KIF16B: variants seen among roughly 807,000 people sequenced by gnomAD.
The protein encoded by KIF16B is kinesin-like protein KIF16B.
A neutral mutation model predicts 156.3 loss-of-function variants in KIF16B; 98 were observed. That is an observed-to-expected ratio of 0.63 (90% CI 0.53 to 0.74). The LOEUF is 0.74. Among genes scored for constraint, KIF16B ranks in the 30% least tolerant of loss-of-function variants. The probability of loss-of-function intolerance (pLI) is 0.00; values close to 1 mark genes in which losing one functional copy is unlikely to be tolerated. For synonymous variants in KIF16B, 564 were observed against 583.7 expected, an observed-to-expected ratio of 0.97 and a Z score of 0.49; for missense variants, 1,421 against 1,606.5, an observed-to-expected ratio of 0.88 and a Z score of 1.97.
At position 16,435,447 on chromosome 20, in the gene KIF16B, GT is replaced by G. The variant is rs556613236; in HGVS notation, c.1303-5466del. 1.5e-4 allele frequency among the ~76,000 whole-genome samples: 23 copies of G among 152,322 alleles called. No homozygotes were observed. In the South Asian group the frequency reaches 4.1e-3, roughly 27 times the overall value. On this transcript the variant is annotated intron_variant, in intron 12 of 25. Coordinates refer to ENST00000354981, the MANE Select transcript of KIF16B (RefSeq NM_024704.5). ...GGTTTTATGTCTGGATGTTTAAAGA[GT>G]TTCTTCTTTATCTTGAAATTCAATG...
chr20:16,565,546 C>A (rs573405308), intron 1 of KIF16B, among the ~76,000 whole-genome samples: 4 of 152,184 alleles, frequency 2.6e-5, no homozygotes, highest in Admixed American at 2.0e-4. Context: ...CCCAGTCACT[C>A]GGCTAGCCCA....
Position 16,427,122 on chromosome 20 carries a change from C to T in KIF16B, c.1594G>A (p.Ala532Thr), listed in dbSNP as rs555663637. Residue 532 changes from alanine to threonine, a missense_variant, in exon 15 of 26, where the codon GCC becomes ACC. Coordinates refer to ENST00000354981, the MANE Select transcript of KIF16B (RefSeq NM_024704.5). ...CSVNGVQIVEATHLNQGAVIL... is the reference protein window; with the variant it reads ...CSVNGVQIVETTHLNQGAVIL... Reference sequence around the variant, plus strand: ...CAGATACCTTGATTTAGATGTGTGGCCTCCACGATCTGAACACCATTCACA... The same window carrying T: ...CAGATACCTTGATTTAGATGTGTGGTCTCCACGATCTGAACACCATTCACA... 10 of 1,607,100 alleles carry T rather than the reference C, an allele frequency of 6.2e-6. No individual in the cohort carries two copies. The highest frequency in any genetic ancestry group is 4.5e-5 in the East Asian group (2 of 44,692).
chr20:16,560,572 C>G (rs1274707803), intron 1 of KIF16B, among the ~76,000 whole-genome samples: 2 of 152,140 alleles, frequency 1.3e-5, no homozygotes, highest in African/African-American at 4.8e-5. Flanking sequence ...TTTGGGAGGC[C>G]AAGGCAGGCG....
At chr20:16,406,170 T>C (rs1309676445) in intron 16 of KIF16B, among the ~76,000 whole-genome samples, 1 of 152,132 alleles carries the variant, frequency 6.6e-6, no homozygotes, top group Non-Finnish European at 1.5e-5. Context: ...CCCTGTCTGC[T>C]CTAGAATTTA....
chr20:16,337,843 C>T (rs943714528), intron 23 of KIF16B, among the ~76,000 whole-genome samples: 5 of 152,200 alleles, frequency 3.3e-5, no homozygotes, highest in African/African-American at 1.2e-4. Flanking sequence ...ACAAGTGGGC[C>T]CTGCTGCCTT....
chr20:16,419,047 C>T (rs2066161929), intron 15 of KIF16B, among the ~76,000 whole-genome samples: 1 of 152,050 alleles, frequency 6.6e-6, no homozygotes, highest in Admixed American at 6.6e-5. Context: ...GGCCTGATCC[C>T]TAGATTTGCT....
At chr20:16,533,354 A>G (rs2069828453) in intron 1 of KIF16B, among the ~76,000 whole-genome samples, 1 of 152,196 alleles carries the variant, frequency 6.6e-6, no homozygotes, top group Non-Finnish European at 1.5e-5. Context: ...GAAGGTTCTC[A>G]GTCCCCACCT....
At chr20:16,514,885 C>CAAAAAAAAAAAAAAAAAAAAAAA (rs10564862) in intron 4 of KIF16B, among the ~76,000 whole-genome samples, 1 of 60,780 alleles carries the variant, frequency 1.6e-5, no homozygotes, top group Admixed American at 2.1e-4. Context: ...GATTCCATCT[C>CAAAAAAAAAAAAAAAAAAAAAAA]AAAAAAAAAA....
At chr20:16,486,591 G>A (rs751642270) in intron 12 of KIF16B, among the ~76,000 whole-genome samples, 15 of 152,028 alleles carry the variant, frequency 9.9e-5, no homozygotes, top group African/African-American at 1.4e-4. Flanking sequence ...TGAACTATAC[G>A]GACTCGATTT....
chr20:16,388,616 G>A (rs2065282193), intron 17 of KIF16B, among the ~76,000 whole-genome samples: 1 of 151,808 alleles, frequency 6.6e-6, no homozygotes, highest in African/African-American at 2.4e-5. Flanking sequence ...AAAAAGCATA[G>A]CATACAACCT....
chr20:16,308,926 C>A (rs913587578), intron 25 of KIF16B, among the ~76,000 whole-genome samples: 4 of 152,182 alleles, frequency 2.6e-5, no homozygotes, highest in African/African-American at 9.7e-5. Flanking sequence ...CACATGTCTC[C>A]CAGGCAGCTG....
At chr20:16,439,091 T>C (rs1373564128) in intron 12 of KIF16B, among the ~76,000 whole-genome samples, 2 of 152,128 alleles carry the variant, frequency 1.3e-5, no homozygotes, top group Admixed American at 1.3e-4. Flanking sequence ...AATCCACAGC[T>C]TGGGAAAAAG....
chr20:16,417,598 G>A (rs1446600793), intron 15 of KIF16B, among the ~76,000 whole-genome samples: 1 of 152,010 alleles, frequency 6.6e-6, no homozygotes, highest in Non-Finnish European at 1.5e-5. Flanking sequence ...ATCAACAAAT[G>A]TTTATACTGA....
chr20:16,386,044 C>T lies in KIF16B; in HGVS notation c.1785-4297G>A, dbSNP rs75537915. Among the ~76,000 whole-genome samples, 619 of 152,236 alleles carry T rather than the reference C, an allele frequency of 4.1e-3. 1 individual carries two copies. Among genetic ancestry groups the T allele is most frequent in the Non-Finnish European group, 6.3e-3 (428 of 68,020 alleles). ...CAACTGAGACGTCCAGCAGGCAGCA[C>T]GAAACATTCAACGAGCTGGTATGCA... On this transcript the variant is annotated intron_variant, in intron 17 of 25. Coordinates refer to ENST00000354981, the MANE Select transcript of KIF16B (RefSeq NM_024704.5).
rs1473479309 is a variant in KIF16B at position 16,379,995 on chromosome 20, T to C, written c.2007A>G (p.Leu669=). ...KRRSFHIENK[L]KDLLAEKEKF... is the part of the protein sequence containing the mutation. ...TTTCCTTCTCCGCAAGTAAATCCTT[T>C]AGCTTGTTCTCGATGTGGAAGCTGC... Residue 669 remains leucine (L), a synonymous_variant, in exon 19 of 26, where the codon CTA becomes CTG. Coordinates refer to ENST00000354981, the MANE Select transcript of KIF16B (RefSeq NM_024704.5). 3 of 1,608,050 alleles carry C rather than the reference T, an allele frequency of 1.9e-6. No individual in the cohort carries two copies. The highest frequency in any genetic ancestry group is 1.7e-6 in the Non-Finnish European group (2 of 1,177,952).
intron 25 of KIF16B, among the ~76,000 whole-genome samples, chr20:16,306,368 T>C (rs969797599): frequency 1.2e-4 from 18 of 152,166 alleles, no homozygotes; most frequent in African/African-American, 4.3e-4. Flanking sequence ...CCAAGAGAAC[T>C]AAGTAGCTGT....
chr20:16,489,031 A>G (rs935383085), intron 12 of KIF16B, among the ~76,000 whole-genome samples: 2 of 152,266 alleles, frequency 1.3e-5, no homozygotes, highest in African/African-American at 4.8e-5. Context: ...TTGGTTACTT[A>G]GCTGAAGGAA....
intron 23 of KIF16B, among the ~76,000 whole-genome samples, chr20:16,354,658 A>G (rs760153807): frequency 3.3e-5 from 5 of 152,244 alleles, no homozygotes; most frequent in Admixed American, 6.5e-5. Flanking sequence ...TAAGAATAAC[A>G]GCAAAGGCTG....
intron 1 of KIF16B, among the ~76,000 whole-genome samples, chr20:16,531,121 A>G (rs2069731433): frequency 6.6e-6 from 1 of 152,224 alleles, no homozygotes. Context: ...CTGCTGCCCA[A>G]AGTTGAGAAA....
Sources: gnomAD v4.1 joint callset for allele counts (sites outside exome capture counted in the v4.1 genomes callset) on GRCh38, gnomAD v4.1.1 for gene constraint, MANE v1.5 for transcripts, NCBI Gene and HGNC (gene_info 2026-07-23, HGNC 2026-07-21) for gene names.